Variants in OSBPL3 observed in about 807,000 individuals in gnomAD.
OSBPL3 encodes the protein oxysterol binding protein like 3, also known as oxysterol-binding protein-related protein 3.
OSBPL3 carries 65 observed loss-of-function variants against 120.1 expected under a neutral mutation model. The ratio of observed to expected loss-of-function variants is 0.54; its 90% CI spans 0.44 to 0.67. The LOEUF (loss-of-function observed/expected upper bound fraction) is 0.67. Ranked by LOEUF, OSBPL3 falls within the 30% of genes least tolerant of loss-of-function variation. The pLI is 0.00. For synonymous variants in OSBPL3, 416 were observed against 402.6 expected (o/e 1.03, Z -0.40); for missense variants, 1,004 against 1,082.1 (o/e 0.93, Z 1.01).
At position 24,866,237 on chromosome 7, in the gene OSBPL3, C is replaced by T. The variant is rs1451590253; in HGVS notation, c.382G>A (p.Val128Ile). The stretch of plus-strand genomic sequence containing the variant: ...TCATCAAAGACTTCTTCTGACTTGA[C>T]CTATAATATATTCGATTGAAAAAAG... ...DTEEHIYHLKVKSEEVFDEWV... is the reference protein window; with the variant it reads ...DTEEHIYHLKIKSEEVFDEWV... Residue 128 changes from valine to isoleucine, a missense_variant and splice_region_variant, in exon 6 of 23, where the codon GTC becomes ATC. Physicochemically the swap from Val to Ile is conservative, Grantham distance 29. Around this residue, in one of 4 missense-constraint regions of OSBPL3, gnomAD observed 255 missense variants for 248.7 expected, o/e 1.03. Coordinates refer to ENST00000313367, the MANE Select transcript of OSBPL3 (RefSeq NM_015550.4). 6.2e-7 allele frequency: 1 copy of T among 1,600,808 alleles called. No homozygotes were observed. The highest frequency in any genetic ancestry group is 8.6e-7 in the Non-Finnish European group (1 of 1,167,998).
intron 1 of OSBPL3, among the ~76,000 whole-genome samples, chr7:24,924,743 T>C (rs1810833310): frequency 1.2e-5 from 1 of 83,332 alleles, no homozygotes; most frequent in Non-Finnish European, 2.8e-5. Flanking sequence ...CTGAGGCCTG[T>C]ATGAGCAGCT....
chr7:24,924,067 C>T (rs1562974666), intron 1 of OSBPL3, among the ~76,000 whole-genome samples: 1 of 152,116 alleles, frequency 6.6e-6, no homozygotes, highest in East Asian at 1.9e-4. Context: ...CCTTTGGACT[C>T]AATGTTTATA....
rs533550705 is a variant in OSBPL3, at chr7:24,946,114, T to C, written c.-150+33772A>G. On this transcript the variant is annotated intron_variant, in intron 1 of 22. Coordinates refer to ENST00000313367, the MANE Select transcript of OSBPL3 (RefSeq NM_015550.4). This position sits in a 1 kb window ranked among gnomAD's most constrained non-coding sequence, Gnocchi z 4.3. ...CTAGGTGGCTCCCTCCCAAGGCTGG[T>C]AGTCAATGCCGGCTGTCAGCTGGGA... 6.6e-6 allele frequency among the ~76,000 whole-genome samples: 1 copy of C among 152,062 alleles called. No individual in the cohort carries two copies. The highest frequency in any genetic ancestry group is 1.5e-5 in the Non-Finnish European group (1 of 68,000).
At chr7:24,963,655 G>A (rs1430630939) in intron 1 of OSBPL3, among the ~76,000 whole-genome samples, 2 of 152,220 alleles carry the variant, frequency 1.3e-5, no homozygotes, top group African/African-American at 4.8e-5. Context: ...AAAAGGGGCA[G>A]GACTACAAGT....
chr7:24,905,490 C>A (rs1396681218), intron 1 of OSBPL3, among the ~76,000 whole-genome samples: 1 of 152,086 alleles, frequency 6.6e-6, no homozygotes, highest in Non-Finnish European at 1.5e-5. Flanking sequence ...TAGAAACAGA[C>A]AGGAAATTTC....
In OSBPL3 at chr7:24,800,247, C is replaced by T; in HGVS notation, c.2600G>A (p.Gly867Asp). 1 of 1,611,714 alleles carries T rather than the reference C, an allele frequency of 6.2e-7. No homozygotes were observed. Among genetic ancestry groups the T allele is most frequent in the Non-Finnish European group, 8.5e-7 (1 of 1,178,028 alleles). ...ATCTTTTCTAAGTTCCAAATAGGTGCCGTTGCTCACCCAAGAGTCATCGTC... is the reference window on the plus strand; with the variant it reads ...ATCTTTTCTAAGTTCCAAATAGGTGTCGTTGCTCACCCAAGAGTCATCGTC... ...KSDDDSWVSN[G>D]TYLELRKDLG... The change falls in exon 23 of 23, where the codon GGC becomes GAC. Residue 867 changes from glycine to aspartate, a missense_variant. Physicochemically the swap from Gly to Asp is moderately conservative, Grantham distance 94. Around this residue, in one of 4 missense-constraint regions of OSBPL3, gnomAD observed 473 missense variants for 568.0 expected, o/e 0.83. Coordinates refer to ENST00000313367, the MANE Select transcript of OSBPL3 (RefSeq NM_015550.4).
At position 24,842,489 on chromosome 7, in the gene OSBPL3, T is replaced by C. The variant is rs934290109; in HGVS notation, c.1267-76A>G. On this transcript the variant is annotated intron_variant, in intron 12 of 22. Transcript: ENST00000313367. ...AGAAAGAAAATAAATGATTTAGTTGTACAATACACAAGGTCACAGGCCCAT... is the reference window on the plus strand; with the variant it reads ...AGAAAGAAAATAAATGATTTAGTTGCACAATACACAAGGTCACAGGCCCAT... 31 of 1,158,354 alleles carry C rather than the reference T, an allele frequency of 2.7e-5. No individual in the cohort carries two copies. The South Asian group carries it at 2.9e-4, about 11-fold the overall frequency. 71.8% of individuals were successfully genotyped at this position (1,158,354 alleles called of 1,614,324 possible).
At chr7:24,928,655 G>C (rs935104568) in intron 1 of OSBPL3, among the ~76,000 whole-genome samples, 3 of 152,092 alleles carry the variant, frequency 2.0e-5, no homozygotes, top group African/African-American at 7.2e-5. Context: ...CTCACCCAAA[G>C]AGCTCCCTCA....
In OSBPL3 at chr7:24,919,021, C is replaced by T. The variant is rs181492330; in HGVS notation, c.-149-26400G>A. Among the ~76,000 whole-genome samples, 542 of 152,236 alleles carry T rather than the reference C, an allele frequency of 3.6e-3. 3 individuals are homozygous for T. Among genetic ancestry groups the T allele is most frequent in the Admixed American group, 5.3e-3 (81 of 15,288 alleles). ...TTCATTTTATAGTTAAGAAACAGAGCCAGTGGCCAAATTTTTGGAATATGT... is the reference window on the plus strand; with the variant it reads ...TTCATTTTATAGTTAAGAAACAGAGTCAGTGGCCAAATTTTTGGAATATGT... On this transcript the variant is annotated intron_variant, in intron 1 of 22. Coordinates refer to ENST00000313367, the MANE Select transcript of OSBPL3 (RefSeq NM_015550.4).
At chr7:24,901,065 C>T (rs1346559620) in intron 1 of OSBPL3, among the ~76,000 whole-genome samples, 1 of 150,388 alleles carries the variant, frequency 6.6e-6, no homozygotes, top group Non-Finnish European at 1.5e-5. Context: ...TGTGGTGGCT[C>T]ACACTTATAA....
rs1008494040 is a variant in OSBPL3, at chr7:24,832,005, C to A, written c.1747-1100G>T. ...TCTGCTTGAGCCCAAGAGTTCAAGA[C>A]CAGCCTGGACAACATGGCGAAACCT... On this transcript the variant is annotated intron_variant, in intron 15 of 22. Transcript: ENST00000313367. 9.2e-5 allele frequency among the ~76,000 whole-genome samples: 14 copies of A among 151,682 alleles called. No homozygotes were observed. In the East Asian group the frequency reaches 2.5e-3, roughly 28 times the overall value.
rs186328087 is a variant in OSBPL3 at position 24,947,640 on chromosome 7, T to C, written c.-150+32246A>G. Reference sequence around the variant, plus strand: ...GAAGCCAAATATTGCCAAAAATATCTAGGAATCACTATTTCTGAGTAGATA... The same window carrying C: ...GAAGCCAAATATTGCCAAAAATATCCAGGAATCACTATTTCTGAGTAGATA... On this transcript the variant is annotated intron_variant, in intron 1 of 22. Coordinates refer to ENST00000313367, the MANE Select transcript of OSBPL3 (RefSeq NM_015550.4). The surrounding 1 kb of genome is among the most constrained non-coding windows in gnomAD (Gnocchi z 4.4). Among the ~76,000 whole-genome samples the C allele has an allele frequency of 1.6e-3, 251 of 152,324 alleles. No homozygotes were observed. The highest frequency in any genetic ancestry group is 2.5e-3 in the Non-Finnish European group (172 of 68,026).
At chr7:24,861,828 C>A in intron 9 of OSBPL3, 59 bp from the exon 10 acceptor site, 1 of 1,142,576 alleles carries the variant, frequency 8.8e-7, no homozygotes, top group South Asian at 1.7e-5. Context: ...AGAATATTTA[C>A]TTGATTCTAA....
chr7:24,904,425 A>T (rs938343361), intron 1 of OSBPL3, among the ~76,000 whole-genome samples: 1 of 152,242 alleles, frequency 6.6e-6, no homozygotes, highest in East Asian at 1.9e-4. Flanking sequence ...CAATACAACA[A>T]TGAAAATATA....
Position 24,834,099 on chromosome 7 carries a change from A to C in OSBPL3, c.1746+387T>G, listed in dbSNP as rs1477729191. The C allele has an allele frequency of 1.9e-5, 19 of 996,382 alleles. No homozygotes were observed. The highest frequency in any genetic ancestry group is 6.1e-5 in the Admixed American group (1 of 16,466). The allele number at this position is 996,382 out of a possible 1,614,324, so 61.7% of individuals were successfully genotyped here. On this transcript the variant is annotated intron_variant, in intron 15 of 22. Coordinates refer to ENST00000313367, the MANE Select transcript of OSBPL3 (RefSeq NM_015550.4). The surrounding 1 kb of genome is among the most constrained non-coding windows in gnomAD (Gnocchi z 5.2). ...AGGGGAAACTTACCCTGGATGAGAA[A>C]AACAGCTCGAGAAATTAAATTCTGT...
chr7:24,808,916 G>C lies in OSBPL3; in HGVS notation c.2317+891C>G, dbSNP rs1793410091. Among the ~76,000 whole-genome samples, 1 of 152,154 alleles carries C rather than the reference G, an allele frequency of 6.6e-6. No individual in the cohort carries two copies. Among genetic ancestry groups the C allele is most frequent in the Non-Finnish European group, 1.5e-5 (1 of 68,028 alleles). ...CTTTTGTCCTCTCATTACATGCTTG[G>C]TATGCTGTCATGCAGGGGTATGACA... On this transcript the variant is annotated intron_variant, in intron 20 of 22. Coordinates refer to ENST00000313367, the MANE Select transcript of OSBPL3 (RefSeq NM_015550.4). The surrounding 1 kb of genome is among the most constrained non-coding windows in gnomAD (Gnocchi z 4.6).
At chr7:24,840,424 G>A (rs1184364627) in intron 14 of OSBPL3, among the ~76,000 whole-genome samples, 2 of 152,070 alleles carry the variant, frequency 1.3e-5, no homozygotes, top group African/African-American at 2.4e-5. Flanking sequence ...TATGTTTTCT[G>A]TTCTAATGAT....
In OSBPL3 at chr7:24,916,772, G is replaced by A. The variant is rs1809600628; in HGVS notation, c.-149-24151C>T. On this transcript the variant is annotated intron_variant, in intron 1 of 22. Coordinates refer to ENST00000313367, the MANE Select transcript of OSBPL3 (RefSeq NM_015550.4). This position sits in a 1 kb window ranked among gnomAD's most constrained non-coding sequence, Gnocchi z 4.9. ...GATAATGTAGATAAGAAAAAAACGT[G>A]GTGCTTGGGTATTTTCACTAGAGAT... Among the ~76,000 whole-genome samples the A allele has an allele frequency of 1.3e-5, 2 of 151,998 alleles. No individual in the cohort carries two copies. The highest frequency in any genetic ancestry group is 2.9e-5 in the Non-Finnish European group (2 of 68,008).
chr7:24,802,291 C>T lies in OSBPL3; in HGVS notation c.2568-2012G>A, dbSNP rs898253228. Among the ~76,000 whole-genome samples, 2 of 152,216 alleles carry T rather than the reference C, an allele frequency of 1.3e-5. No homozygotes were observed. The highest frequency in any genetic ancestry group is 2.9e-5 in the Non-Finnish European group (2 of 68,044). The stretch of plus-strand genomic sequence containing the variant: ...GTTCCTCAGTAAGTGTTAATGACAA[C>T]ATCCAAGTCCCCATATTCCTCTCCA... On this transcript the variant is annotated intron_variant, in intron 22 of 22. Transcript: ENST00000313367. The surrounding 1 kb of genome is among the most constrained non-coding windows in gnomAD (Gnocchi z 4.1).
Sources: allele counts gnomAD v4.1 joint callset (sites outside exome capture counted in the v4.1 genomes callset), GRCh38; gene constraint gnomAD v4.1.1; regional missense constraint gnomAD v4.1.1; non-coding constraint Gnocchi (gnomAD v3.1); transcripts MANE v1.5; gene names NCBI Gene and HGNC (gene_info 2026-07-23, HGNC 2026-07-21).